FCRL6: variants seen among roughly 807,000 people sequenced by gnomAD.
FCRL6 encodes Fc receptor like 6.
FCRL6 carries 50 observed loss-of-function variants against 49.1 expected under a neutral mutation model. The ratio of observed to expected loss-of-function variants is 1.02; its 90% CI spans 0.81 to 1.29. The LOEUF (loss-of-function observed/expected upper bound fraction) is 1.29. Ranked by LOEUF, FCRL6 falls within the 50% of genes most tolerant of loss-of-function variation. The pLI, the probability that FCRL6 is intolerant of heterozygous loss-of-function variation, is 0.00. For missense variants in FCRL6, 571 were observed against 518.5 expected (o/e 1.10, Z -0.98); for synonymous variants, 213 against 199.6 (o/e 1.07, Z -0.57).
upstream of FCRL6, among the ~76,000 whole-genome samples, chr1:159,801,630 C>T (rs1419023896): frequency 6.6e-6 from 1 of 152,136 alleles, no homozygotes; most frequent in African/African-American, 2.4e-5. Flanking sequence ...TATTTTTGCC[C>T]ATTTTTCTAG....
At chr1:159,806,573 T>C (rs750942960) in intron 1 of FCRL6, 23 bp from the exon 2 acceptor site, 4 of 1,610,608 alleles carry the variant, frequency 2.5e-6, no homozygotes, top group Admixed American at 1.7e-5. Flanking sequence ...TTAACCTAAT[T>C]GTGTTACTTT....
In FCRL6 at chr1:159,806,608, G is replaced by T. The variant is rs772715372; in HGVS notation, c.44G>T (p.Gly15Val). The T allele has an allele frequency of 3.1e-6, 5 of 1,613,846 alleles. No homozygotes were observed. The highest frequency in any genetic ancestry group is 4.2e-6 in the Non-Finnish European group (5 of 1,179,700). ...TAVLLFVPCV[G>V]KTVWLYLQAW... Reference sequence around the variant, plus strand: ...TGTTCTCTTGCAGTTCCCTGTGTTGGGAAAACTGGTAAGTTGTGTCCATGT... The same window carrying T: ...TGTTCTCTTGCAGTTCCCTGTGTTGTGAAAACTGGTAAGTTGTGTCCATGT... Residue 15 changes from glycine (G) to valine (V), a missense_variant, in exon 2 of 10, where the codon GGG (glycine) becomes GTG (valine). Transcript: ENST00000368106.
At chr1:159,805,159 T>C (rs1571090039) in intron 1 of FCRL6, among the ~76,000 whole-genome samples, 2 of 151,990 alleles carry the variant, frequency 1.3e-5, no homozygotes, top group South Asian at 2.1e-4. Flanking sequence ...GGGGTGGAGA[T>C]GGAGGGATGA....
Position 159,814,275 on chromosome 1 carries a change from C to A in FCRL6, c.1130C>A (p.Thr377Asn), listed in dbSNP as rs1231423577. Residue 377 changes from threonine (T) to asparagine (N), a missense_variant, in exon 8 of 10, where the codon ACC (threonine) becomes AAC (asparagine). Coordinates refer to ENST00000368106, the MANE Select transcript of FCRL6 (RefSeq NM_001004310.3). ...GTTGTCTACTCTGTGGTGCATAGAACCTCAAAGAGGAGTGAAGGTGAGTGA... is the reference window on the plus strand; with the variant it reads ...GTTGTCTACTCTGTGGTGCATAGAAACTCAAAGAGGAGTGAAGGTGAGTGA... Reference protein sequence around the residue: ...EGVVYSVVHRTSKRSEARSAE... With the variant: ...EGVVYSVVHRNSKRSEARSAE... The A allele has an allele frequency of 1.9e-6, 3 of 1,614,090 alleles. No homozygotes were observed. The highest frequency in any genetic ancestry group is 1.7e-5 in the Admixed American group (1 of 60,012).
upstream of FCRL6, chr1:159,800,541 AG>A (rs1662256187): frequency 5.3e-6 from 8 of 1,510,556 alleles, no homozygotes; most frequent in Non-Finnish European, 7.2e-6. Flanking sequence ...AGCTGAACGA[AG>A]TTGAAGACAA....
In FCRL6 at chr1:159,810,056, T is replaced by A. The variant is rs1268943928; in HGVS notation, c.887-38T>A. On this transcript the variant is annotated intron_variant, in intron 5 of 9. Transcript: ENST00000368106. ...CTAGAATGCATTTCCGAATTTTATC[T>A]TCAGTGCTCATGGCCACCTTCTTCT... The A allele has an allele frequency of 3.1e-6, 5 of 1,594,676 alleles. No individual in the cohort carries two copies. In the African/African-American group the frequency reaches 6.7e-5, roughly 22 times the overall value.
Position 159,809,100 on chromosome 1 carries a change from C to A in FCRL6, c.459C>A (p.Gly153=), listed in dbSNP as rs1196482233. 2.5e-6 allele frequency: 4 copies of A among 1,613,994 alleles called. No homozygotes were observed. The highest frequency in any genetic ancestry group is 3.4e-6 in the Non-Finnish European group (4 of 1,179,996). The change falls in exon 4 of 10, where the codon GGC becomes GGA. Residue 153 remains glycine, a synonymous_variant. Coordinates refer to ENST00000368106, the MANE Select transcript of FCRL6 (RefSeq NM_001004310.3). The part of the protein sequence containing the change: ...LRLLFSFHKD[G]HTLQDRGPHP... Reference sequence around the variant, plus strand: ...TCCTTTTCTCCTTCCACAAGGACGGCCACACCTTGCAGGACAGGGGCCCTC... The same window carrying A: ...TCCTTTTCTCCTTCCACAAGGACGGACACACCTTGCAGGACAGGGGCCCTC...
intron 6 of FCRL6, among the ~76,000 whole-genome samples, chr1:159,811,202 C>T (rs948379581): frequency 2.0e-5 from 3 of 152,196 alleles, no homozygotes; most frequent in Non-Finnish European, 4.4e-5. Flanking sequence ...TGGGGGGCCA[C>T]GCATTTATTC....
chr1:159,811,277 A>G (rs982354819), intron 6 of FCRL6, among the ~76,000 whole-genome samples: 6 of 152,202 alleles, frequency 3.9e-5, no homozygotes, highest in African/African-American at 1.4e-4. Flanking sequence ...TGCCAAAGCT[A>G]TGATTCCTAG....
rs1333975885 is a variant in FCRL6, at chr1:159,809,683, GGT to G, written c.886+5_886+6del. 2 of 1,613,398 alleles carry G rather than the reference GGT, an allele frequency of 1.2e-6. No individual in the cohort carries two copies. The highest frequency in any genetic ancestry group is 1.7e-6 in the Non-Finnish European group (2 of 1,179,764). ...TGAGCCCAAGAAGCTGTCTCTGAAG[GGT>G]GTGTTTTGTTCTCCAACAGAGCTTT... On this transcript the variant is annotated splice_donor_variant, in intron 5 of 9. Transcript: ENST00000368106. LOFTEE classifies it high-confidence loss of function.
chr1:159,814,127 C>A, intron 7 of FCRL6, 94 bp from the exon 8 acceptor site: 1 of 1,141,642 alleles, frequency 8.8e-7, no homozygotes, highest in Non-Finnish European at 1.3e-6. Flanking sequence ...CATAACAGAG[C>A]CCCTGATGGG....
At chr1:159,807,332 A>T (rs1213942080) in intron 2 of FCRL6, among the ~76,000 whole-genome samples, 1 of 152,186 alleles carries the variant, frequency 6.6e-6, no homozygotes, top group Admixed American at 6.5e-5. Flanking sequence ...TCAGGCCATC[A>T]GGCCTGCTCA....
upstream of FCRL6, chr1:159,800,680 T>C (rs866139278): frequency 1.0e-4 from 146 of 1,413,704 alleles, no homozygotes; most frequent in African/African-American, 1.9e-3. Flanking sequence ...CCTAAACAAC[T>C]GAGTCACCGA....
At chr1:159,813,666 T>G (rs1663218463) in intron 7 of FCRL6, 112 bp downstream of exon 7, 3 of 924,250 alleles carry the variant, frequency 3.2e-6, no homozygotes, top group Admixed American at 4.2e-5. Context: ...TGGAGTGATC[T>G]GGGGAAGGAA....
At chr1:159,805,360 T>C (rs1055628812) in intron 1 of FCRL6, among the ~76,000 whole-genome samples, 4 of 145,878 alleles carry the variant, frequency 2.7e-5, no homozygotes, top group African/African-American at 1.1e-4. Flanking sequence ...AGGCCATTCT[T>C]GCATTTTTTT....
intron 1 of FCRL6, among the ~76,000 whole-genome samples, chr1:159,806,031 T>C (rs977198326): frequency 2.6e-5 from 4 of 152,244 alleles, no homozygotes; most frequent in African/African-American, 9.6e-5. Flanking sequence ...ACACAGACTA[T>C]GTTCCAGGCA....
chr1:159,815,229 A>G (rs1663322458), intron 8 of FCRL6, among the ~76,000 whole-genome samples, 199 bp from the exon 9 acceptor site: 1 of 152,242 alleles, frequency 6.6e-6, no homozygotes, highest in Non-Finnish European at 1.5e-5. Context: ...CCAGGACCTG[A>G]GGTCACACAG....
chr1:159,809,508 C>G lies in FCRL6; in HGVS notation c.711C>G (p.Ile237Met), dbSNP rs761672963. ...AGGCACAGAGGGGCTCCCCTCCGAT[C>G]CTGTATTCCTTCTACCTTGATGAGA... ...LCEAQRGSPP[I>M]LYSFYLDEKI... Residue 237 changes from isoleucine to methionine, a missense_variant, in exon 5 of 10, where the codon ATC becomes ATG. Transcript: ENST00000368106. The G allele has an allele frequency of 2.5e-6, 4 of 1,614,046 alleles. No homozygotes were observed. The highest frequency in any genetic ancestry group is 3.4e-6 in the Non-Finnish European group (4 of 1,180,022).
intron 2 of FCRL6, 80 bp from the exon 3 acceptor site, chr1:159,808,098 C>G: frequency 2.0e-6 from 3 of 1,508,854 alleles, no homozygotes; most frequent in Non-Finnish European, 2.7e-6. Context: ...CAGCAGGAGG[C>G]CTTAGGCTGG....
Sources: gnomAD v4.1 joint callset for allele counts (sites outside exome capture counted in the v4.1 genomes callset) on GRCh38, gnomAD v4.1.1 for gene constraint, MANE v1.5 for transcripts, NCBI Gene and HGNC (gene_info 2026-07-23, HGNC 2026-07-21) for gene names.